POF1B: variants seen among roughly 807,000 people sequenced by gnomAD.
POF1B encodes protein POF1B.
In POF1B, 53 loss-of-function variants were observed where a neutral mutation model predicts 55.3. The observed-to-expected ratio is 0.96, with a 90% CI of 0.77 to 1.20. The LOEUF is 1.20. Ranked by LOEUF, POF1B falls within the 50% of genes most tolerant of loss-of-function variation. The pLI, the probability that POF1B is intolerant of heterozygous loss-of-function variation, is 0.00. For missense variants in POF1B, 478 were observed against 420.5 expected (o/e 1.14, Z -1.20); for synonymous variants, 188 against 148.3 (o/e 1.27, Z -1.95).
chrX:85,318,855 T>G (rs990907353), intron 7 of POF1B, among the ~76,000 whole-genome samples: 9 of 112,038 alleles, frequency 8.0e-5, no homozygotes, highest in Admixed American at 2.9e-4. Context: ...TATTCCAGTC[T>G]TTTATGGTTC....
At chrX:85,360,430 G>A (rs995178518) in intron 3 of POF1B, among the ~76,000 whole-genome samples, 2 of 103,318 alleles carry the variant, frequency 1.9e-5, no homozygotes, top group African/African-American at 3.6e-5. Context: ...CTGTTCCTGT[G>A]TAAGTCTGCT....
intron 7 of POF1B, among the ~76,000 whole-genome samples, chrX:85,323,798 T>G (rs912659657): frequency 9.1e-6 from 1 of 110,130 alleles, no homozygotes; most frequent in African/African-American, 3.3e-5. Flanking sequence ...TTCCTCTAGA[T>G]GTGGTTTTGG....
intron 8 of POF1B, among the ~76,000 whole-genome samples, 193 bp downstream of exon 8, chrX:85,315,514 A>AAGCCTAT (rs1184184189): frequency 9.0e-6 from 1 of 111,254 alleles, no homozygotes; most frequent in Non-Finnish European, 1.9e-5. Context: ...TTTTGTGAAT[A>AAGCCTAT]ATTACTAGTT....
intron 8 of POF1B, 131 bp downstream of exon 8, chrX:85,315,576 C>T: frequency 4.9e-6 from 2 of 410,457 alleles, no homozygotes; most frequent in South Asian, 2.2e-4. Flanking sequence ...GGCAAAATGG[C>T]CATAAATTTT....
chrX:85,299,422 G>A (rs1932389628), intron 15 of POF1B, among the ~76,000 whole-genome samples: 1 of 105,822 alleles, frequency 9.4e-6, no homozygotes, highest in Non-Finnish European at 1.9e-5. Context: ...CCGAGTAGCT[G>A]GGACTACAGG....
chrX:85,286,541 A>C (rs956893725), intron 15 of POF1B, among the ~76,000 whole-genome samples: 17 of 111,671 alleles, frequency 1.5e-4, no homozygotes, highest in African/African-American at 5.2e-4. Context: ...TATTTACAAA[A>C]ACCATACAAT....
At chrX:85,303,313 T>C in intron 15 of POF1B, 93 bp downstream of exon 15, 1 of 536,321 alleles carries the variant, frequency 1.9e-6, no homozygotes, top group African/African-American at 2.4e-5. Context: ...AACACCAAAC[T>C]CTGTCTAGCT....
intron 4 of POF1B, among the ~76,000 whole-genome samples, chrX:85,352,937 G>A (rs1933418210): frequency 1.8e-5 from 2 of 111,338 alleles, no homozygotes; most frequent in Non-Finnish European, 1.9e-5. Flanking sequence ...AACCTATGTG[G>A]CCAGCAAAAC....
At chrX:85,368,685 T>G (rs1933771058) in intron 2 of POF1B, among the ~76,000 whole-genome samples, 1 of 111,698 alleles carries the variant, frequency 9.0e-6, no homozygotes, top group African/African-American at 3.2e-5. Flanking sequence ...GTTAAAATAA[T>G]CTGTAAAAGT....
intron 15 of POF1B, among the ~76,000 whole-genome samples, chrX:85,299,887 A>G (rs746381420): frequency 6.2e-5 from 7 of 112,506 alleles, no homozygotes; most frequent in Admixed American, 1.9e-4. Flanking sequence ...TCAAAGCCAC[A>G]TTGTCGTTAT....
At chrX:85,329,485 T>C (rs939982546) in intron 7 of POF1B, among the ~76,000 whole-genome samples, 3 of 111,020 alleles carry the variant, frequency 2.7e-5, no homozygotes, top group African/African-American at 9.8e-5. Context: ...ATGAAGGCAT[T>C]TGTTCATTCA....
chrX:85,319,036 G>A (rs886462742), intron 7 of POF1B, among the ~76,000 whole-genome samples: 3 of 110,913 alleles, frequency 2.7e-5, no homozygotes, highest in African/African-American at 9.8e-5. Context: ...TGTCGTCTCT[G>A]ATTTCTTTGA....
At chrX:85,300,907 C>A (rs1306401824) in intron 15 of POF1B, among the ~76,000 whole-genome samples, 1 of 111,870 alleles carries the variant, frequency 8.9e-6, no homozygotes, top group Non-Finnish European at 1.9e-5. Flanking sequence ...ATTTAAATTT[C>A]TCAACAGCCG....
intron 7 of POF1B, among the ~76,000 whole-genome samples, chrX:85,326,982 C>T (rs937553167): frequency 7.2e-5 from 8 of 110,732 alleles, no homozygotes; most frequent in Non-Finnish European, 1.5e-4. Context: ...GACTACCCTG[C>T]AACGTTTAGG....
At chrX:85,283,159 T>A (rs1418043184) in intron 15 of POF1B, among the ~76,000 whole-genome samples, 1 of 110,834 alleles carries the variant, frequency 9.0e-6, no homozygotes, top group Non-Finnish European at 1.9e-5. Flanking sequence ...CTAGCGAAAA[T>A]CTAAAACTCA....
At position 85,308,200 on chromosome X, in the gene POF1B, T is replaced by C. The variant is rs546704275; in HGVS notation, c.974A>G (p.Asp325Gly). ...RYILQMRGMS[D>G]KSLRLVLSTF... ...GGACAGCACTAGTCGGAGTGACTTA[T>C]CAGACATACCCCTCATCTGCAGGAA... The change falls in exon 10 of 17, where the codon GAT (aspartate) becomes GGT (glycine). Residue 325 changes from aspartate (D) to glycine (G), a missense_variant. Physicochemically the swap from Asp to Gly is moderately conservative, Grantham distance 94 (BLOSUM62 -1). Coordinates refer to ENST00000262753, the MANE Select transcript of POF1B (RefSeq NM_024921.4). 2.2e-5 allele frequency: 26 copies of C among 1,162,713 alleles called. No individual in the cohort carries two copies. The East Asian group carries it at 5.5e-4, about 25-fold the overall frequency.
intron 15 of POF1B, among the ~76,000 whole-genome samples, chrX:85,285,213 C>A (rs771824338): frequency 3.6e-5 from 4 of 111,647 alleles, no homozygotes; most frequent in African/African-American, 1.3e-4. Context: ...GGACTGTAAA[C>A]TAGTTCAGCC....
chrX:85,354,602 G>A (rs984467851), intron 4 of POF1B, among the ~76,000 whole-genome samples: 13 of 110,456 alleles, frequency 1.2e-4, no homozygotes, highest in Admixed American at 3.9e-4. Context: ...AAGCAACTTC[G>A]GCAAAGTCTC....
intron 15 of POF1B, among the ~76,000 whole-genome samples, chrX:85,297,015 T>C (rs1178882179): frequency 4.5e-5 from 5 of 112,173 alleles, no homozygotes; most frequent in Non-Finnish European, 9.4e-5. Context: ...TGGACTATTC[T>C]GTTGTTAATG....
Sources: allele counts gnomAD v4.1 joint callset (sites outside exome capture counted in the v4.1 genomes callset), GRCh38; gene constraint gnomAD v4.1.1; transcripts MANE v1.5; gene names NCBI Gene and HGNC (gene_info 2026-07-23, HGNC 2026-07-21).